The following LRRC4C variants were observed in gnomAD, a reference collection of about 807,000 sequenced individuals.
LRRC4C encodes the protein leucine rich repeat containing 4C.
LRRC4C carries 5 observed loss-of-function variants against 33.6 expected under a neutral mutation model. That is an observed-to-expected ratio of 0.15 (90% CI 0.08 to 0.31). The LOEUF is 0.31. LRRC4C is among the 10% of genes least tolerant of loss of function. LRRC4C has a pLI of 1.00. For synonymous variants in LRRC4C, 329 were observed against 302.0 expected, an observed-to-expected ratio of 1.09 and a Z score of -0.93; for missense variants, 560 against 796.7, an observed-to-expected ratio of 0.70 and a Z score of 3.58.
At chr11:40,844,656 G>A (rs1953073009) in intron 2 of LRRC4C, among the ~76,000 whole-genome samples, 1 of 152,052 alleles carries the variant, frequency 6.6e-6, no homozygotes, top group African/African-American at 2.4e-5. Context: ...TTTTGTTTTT[G>A]TTTTGTTTAG....
At chr11:40,648,924 A>G (rs1196763812) in intron 2 of LRRC4C, among the ~76,000 whole-genome samples, 5 of 152,142 alleles carry the variant, frequency 3.3e-5, no homozygotes, top group African/African-American at 1.2e-4. Context: ...CGTGATGCCC[A>G]CCTGAGTCAC....
intron 5 of LRRC4C, among the ~76,000 whole-genome samples, chr11:40,206,321 C>T (rs1156530524): frequency 3.3e-5 from 5 of 152,082 alleles, no homozygotes; most frequent in South Asian, 2.1e-4. Flanking sequence ...CTGCAACCTC[C>T]GCCTCCCAGG....
rs191608237 is a variant in LRRC4C, at chr11:41,045,973, A to G, written c.-495-112250T>C. ...CAATTCCATGTGCATTTCATTTTGTATCCTGACTCCTAAGACCTAAAAAGA... is the reference window on the plus strand; with the variant it reads ...CAATTCCATGTGCATTTCATTTTGTGTCCTGACTCCTAAGACCTAAAAAGA... On this transcript the variant is annotated intron_variant, in intron 1 of 6. Transcript: ENST00000528697. 4.6e-4 allele frequency among the ~76,000 whole-genome samples: 70 copies of G among 152,294 alleles called. No homozygotes were observed. The East Asian group carries it at 0.011, about 24-fold the overall frequency.
chr11:40,696,095 G>GTATATATA (rs150296016), intron 2 of LRRC4C, among the ~76,000 whole-genome samples: 21 of 139,224 alleles, frequency 1.5e-4, no homozygotes, highest in South Asian at 6.8e-4. Flanking sequence ...ATGAGTGTGT[G>GTATATATA]TATATATATA....
At chr11:40,994,643 C>G (rs542251125) in intron 1 of LRRC4C, among the ~76,000 whole-genome samples, 1 of 152,088 alleles carries the variant, frequency 6.6e-6, no homozygotes, top group African/African-American at 2.4e-5. Context: ...ATTCTCATCC[C>G]AGAGGAAGCA....
Position 41,416,927 on chromosome 11 carries a change from A to G in LRRC4C, c.-496+42504T>C, listed in dbSNP as rs181242554. Among the ~76,000 whole-genome samples, 881 of 152,136 alleles carry G rather than the reference A, an allele frequency of 5.8e-3. 8 individuals are homozygous for G. Among genetic ancestry groups the G allele is most frequent in the African/African-American group, 0.02 (849 of 41,528 alleles). On this transcript the variant is annotated intron_variant, in intron 1 of 6. Transcript: ENST00000528697. ...GGCGTGGCAACTGAGTAATGAGCCA[A>G]ACTAAAGAGTTTCCCAGTAGCACAC...
intron 2 of LRRC4C, among the ~76,000 whole-genome samples, chr11:40,872,420 A>T (rs1954696916): frequency 6.6e-6 from 1 of 152,152 alleles, no homozygotes; most frequent in Non-Finnish European, 1.5e-5. Flanking sequence ...TCGAAGCAAA[A>T]TAATTCACTT....
At chr11:40,592,370 A>C (rs1959098887) in intron 3 of LRRC4C, among the ~76,000 whole-genome samples, 1 of 152,190 alleles carries the variant, frequency 6.6e-6, no homozygotes, top group African/African-American at 2.4e-5. Flanking sequence ...GTTGAGCCCC[A>C]TTCCTGGAGT....
chr11:41,248,905 T>C (rs1330908151), intron 1 of LRRC4C, among the ~76,000 whole-genome samples: 2 of 152,198 alleles, frequency 1.3e-5, no homozygotes, highest in Non-Finnish European at 2.9e-5. Flanking sequence ...GTTGCTTTAG[T>C]CTTTACTCTT....
intron 1 of LRRC4C, among the ~76,000 whole-genome samples, chr11:40,962,264 A>G (rs1165680709): frequency 6.6e-6 from 1 of 151,532 alleles, no homozygotes; most frequent in African/African-American, 2.4e-5. Context: ...CAATGGAGGG[A>G]GGTTCTAGAG....
chr11:40,496,693 CTG>C (rs1954478254), intron 3 of LRRC4C, among the ~76,000 whole-genome samples: 1 of 152,028 alleles, frequency 6.6e-6, no homozygotes, highest in African/African-American at 2.4e-5. Flanking sequence ...AGAAGAATGA[CTG>C]AGATGATTAA....
chr11:41,457,628 G>T (rs941248991), intron 1 of LRRC4C, among the ~76,000 whole-genome samples: 1 of 151,960 alleles, frequency 6.6e-6, no homozygotes, highest in African/African-American at 2.4e-5. Flanking sequence ...ATTAAAAAAA[G>T]AAAACAACAG....
intron 3 of LRRC4C, among the ~76,000 whole-genome samples, chr11:40,629,484 A>C (rs1963267203): frequency 6.6e-6 from 1 of 152,228 alleles, no homozygotes; most frequent in Non-Finnish European, 1.5e-5. Context: ...CCCAAACTAA[A>C]GCATGTTTCT....
At chr11:40,910,996 G>A (rs1028885537) in intron 2 of LRRC4C, among the ~76,000 whole-genome samples, 1 of 152,216 alleles carries the variant, frequency 6.6e-6, no homozygotes, top group South Asian at 2.1e-4. Context: ...GCAAGGCTGG[G>A]GGAGGGGCGC....
In LRRC4C at chr11:41,045,200, C is replaced by T. The variant is rs936382993; in HGVS notation, c.-495-111477G>A. ...TTAATTACTCACATGCTGTAAGAGA[C>T]CTTAAAAGTTTTATACTTGATTTTT... On this transcript the variant is annotated intron_variant, in intron 1 of 6. Coordinates refer to ENST00000528697, the MANE Select transcript of LRRC4C (RefSeq NM_001258419.2). Among the ~76,000 whole-genome samples, 4 of 132,342 alleles carry T rather than the reference C, an allele frequency of 3.0e-5. No homozygotes were observed. The East Asian group carries it at 9.1e-4, about 30-fold the overall frequency. The allele number at this position is 132,342 out of a possible 152,430, so 86.8% of individuals were successfully genotyped here.
At chr11:40,132,195 T>C (rs1371907789) in intron 6 of LRRC4C, among the ~76,000 whole-genome samples, 1 of 152,214 alleles carries the variant, frequency 6.6e-6, no homozygotes, top group Non-Finnish European at 1.5e-5. Flanking sequence ...GACATTCTGC[T>C]CTATATATCA....
chr11:40,537,365 G>C (rs1956518551), intron 3 of LRRC4C, among the ~76,000 whole-genome samples: 1 of 152,142 alleles, frequency 6.6e-6, no homozygotes, highest in Non-Finnish European at 1.5e-5. Flanking sequence ...ACGGGGAGAG[G>C]CTGGGTATTC....
intron 3 of LRRC4C, among the ~76,000 whole-genome samples, chr11:40,321,433 C>G (rs556532741): frequency 6.6e-6 from 1 of 152,020 alleles, no homozygotes; most frequent in Non-Finnish European, 1.5e-5. Context: ...GCTAATCTCT[C>G]TACATTACTG....
chr11:41,202,589 C>T (rs183330312), intron 1 of LRRC4C, among the ~76,000 whole-genome samples: 6 of 152,152 alleles, frequency 3.9e-5, no homozygotes, highest in Admixed American at 2.0e-4. Context: ...AAGTGAGGTT[C>T]AGTGATTTGC....
Sources: allele counts gnomAD v4.1 joint callset (sites outside exome capture counted in the v4.1 genomes callset), GRCh38; gene constraint gnomAD v4.1.1; transcripts MANE v1.5; gene names NCBI Gene and HGNC (gene_info 2026-07-23, HGNC 2026-07-21).